Variants in TNRC6A observed in about 807,000 individuals in gnomAD.
The protein encoded by TNRC6A is trinucleotide repeat containing adaptor 6A, also known as trinucleotide repeat-containing gene 6A protein.
A neutral mutation model predicts 221.2 loss-of-function variants in TNRC6A; 44 were observed. The ratio of observed to expected loss-of-function variants is 0.20; its 90% confidence interval spans 0.16 to 0.26. TNRC6A has a LOEUF of 0.26. Among genes scored for constraint, TNRC6A ranks in the 10% least tolerant of loss-of-function variants. The pLI is 1.00. For synonymous variants in TNRC6A, 847 were observed against 838.5 expected, an observed-to-expected ratio of 1.01 and a Z score of -0.18; for missense variants, 2,199 against 2,404.4, an observed-to-expected ratio of 0.91 and a Z score of 1.79.
chr16:24,803,997 A>G (rs1459769471), intron 11 of TNRC6A, 180 bp from the exon 12 acceptor site: 7 of 571,296 alleles, frequency 1.2e-5, no homozygotes, highest in Non-Finnish European at 2.1e-5. Flanking sequence ...AGTATCTCCT[A>G]ATTGCGACTT....
intron 2 of TNRC6A, among the ~76,000 whole-genome samples, chr16:24,684,642 C>A (rs1415775818): frequency 6.6e-6 from 1 of 151,450 alleles, no homozygotes; most frequent in African/African-American, 2.4e-5. Context: ...CCCATCTCTA[C>A]AAAAAATTTA....
chr16:24,729,682 T>TGGC lies in TNRC6A; in HGVS notation c.-159_-158insGCG, dbSNP rs1555495616. ...GGTCTGGGGCCTGCGGCGGCGGCGG[T>TGGC]GTCGGCGGCGGCGGCGGCGGCGGCG... On this transcript the variant is annotated 5_prime_UTR_variant, in exon 1 of 25. Transcript: ENST00000395799. The TGGC allele has an allele frequency of 3.2e-5, 22 of 677,752 alleles. No individual in the cohort carries two copies. The Admixed American group carries it at 5.0e-4, about 15-fold the overall frequency. 42.0% of individuals were successfully genotyped at this position (677,752 alleles called of 1,614,324 possible). A position where few individuals can be genotyped will look rare whatever the true frequency, so the allele number is the denominator to read the frequency against.
chr16:24,723,233 C>G (rs1567388704), intron 2 of TNRC6A, among the ~76,000 whole-genome samples: 1 of 152,132 alleles, frequency 6.6e-6, no homozygotes, highest in South Asian at 2.1e-4. Flanking sequence ...CACTTCACCT[C>G]CACTCCGCAG....
chr16:24,812,610 C>T (rs2058569729), intron 18 of TNRC6A, among the ~76,000 whole-genome samples: 1 of 152,112 alleles, frequency 6.6e-6, no homozygotes. Flanking sequence ...GTTACAGTTG[C>T]CTACATTACT....
At chr16:24,642,029 G>C (rs1182120184) in intron 2 of TNRC6A, among the ~76,000 whole-genome samples, 1 of 152,230 alleles carries the variant, frequency 6.6e-6, no homozygotes, top group African/African-American at 2.4e-5. Flanking sequence ...TGGATCCCAT[G>C]GGGAAGGATT....
chr16:24,818,162 A>G (rs955657993), intron 20 of TNRC6A, among the ~76,000 whole-genome samples: 1 of 152,236 alleles, frequency 6.6e-6, no homozygotes, highest in East Asian at 1.9e-4. Flanking sequence ...AGAAGGCTGA[A>G]GGGCCTGTTC....
Position 24,793,691 on chromosome 16 carries a change from G to A in TNRC6A, c.3352+42G>A. 5 of 1,336,744 alleles carry A rather than the reference G, an allele frequency of 3.7e-6. No homozygotes were observed. The South Asian group carries it at 7.7e-5, about 21-fold the overall frequency. The allele number at this position is 1,336,744 out of a possible 1,614,324, so 82.8% of individuals were successfully genotyped here. On this transcript the variant is annotated intron_variant, in intron 7 of 24. Coordinates refer to ENST00000395799, the MANE Select transcript of TNRC6A (RefSeq NM_014494.4). ...GCCTGGTAGCTGTTATGTAGCAGTG[G>A]CGAACACTCACTGACTATAATTAAA...
chr16:24,612,737 C>T (rs192670734), intron 1 of TNRC6A, among the ~76,000 whole-genome samples: 2 of 151,900 alleles, frequency 1.3e-5, no homozygotes, highest in Non-Finnish European at 2.9e-5. Context: ...CAGAGTGAGA[C>T]CCTGTCTCAA....
At chr16:24,688,665 C>T (rs1448912665) in intron 2 of TNRC6A, among the ~76,000 whole-genome samples, 1 of 152,122 alleles carries the variant, frequency 6.6e-6, no homozygotes, top group Non-Finnish European at 1.5e-5. Flanking sequence ...TCCTTAAGAG[C>T]GAGCCTCAGG....
In TNRC6A at chr16:24,806,229, G is replaced by C; in HGVS notation, c.4275G>C (p.Arg1425Ser). Reference protein sequence around the residue: ...QLQRLLAQQQRAQSQRSVPSG... With the variant: ...QLQRLLAQQQSAQSQRSVPSG... ...AGCGATTGTTAGCGCAGCAGCAAAGGGCGCAGAGTCAGAGAAGCGTGCCTT... is the reference window on the plus strand; with the variant it reads ...AGCGATTGTTAGCGCAGCAGCAAAGCGCGCAGAGTCAGAGAAGCGTGCCTT... Residue 1425 changes from arginine (R) to serine (S), a missense_variant, in exon 16 of 25, where the codon AGG becomes AGC. Transcript: ENST00000395799. 2 of 1,614,156 alleles carry C rather than the reference G, an allele frequency of 1.2e-6. No homozygotes were observed. The highest frequency in any genetic ancestry group is 1.7e-6 in the Non-Finnish European group (2 of 1,180,032).
intron 5 of TNRC6A, among the ~76,000 whole-genome samples, chr16:24,780,201 G>A (rs764269005): frequency 5.9e-5 from 9 of 152,140 alleles, no homozygotes; most frequent in East Asian, 1.9e-4. Context: ...GTGAACACTC[G>A]TATACCCTCC....
chr16:24,817,273 A>G (rs2058675978), intron 20 of TNRC6A, among the ~76,000 whole-genome samples: 1 of 152,230 alleles, frequency 6.6e-6, no homozygotes, highest in African/African-American at 2.4e-5. Context: ...ATAAGTTAAC[A>G]TAAAGGACCA....
chr16:24,643,218 C>T (rs571938736), intron 2 of TNRC6A, among the ~76,000 whole-genome samples: 221 of 150,040 alleles, frequency 1.5e-3, no homozygotes, highest in South Asian at 4.8e-3. Flanking sequence ...ACAGGCAGGG[C>T]CCATCATTCC....
At chr16:24,655,643 C>G (rs1250277244) in intron 2 of TNRC6A, among the ~76,000 whole-genome samples, 1 of 151,916 alleles carries the variant, frequency 6.6e-6, no homozygotes, top group Non-Finnish European at 1.5e-5. Context: ...GAGCCAAGAT[C>G]GTGCCACTGC....
chr16:24,692,976 G>A (rs547824772), intron 2 of TNRC6A, among the ~76,000 whole-genome samples: 3 of 152,120 alleles, frequency 2.0e-5, no homozygotes, highest in East Asian at 3.9e-4. Context: ...ATTTACATTC[G>A]GGTAAACCGG....
intron 2 of TNRC6A, among the ~76,000 whole-genome samples, chr16:24,749,433 G>T (rs894353322): frequency 1.7e-4 from 26 of 152,136 alleles, no homozygotes; most frequent in African/African-American, 6.3e-4. Flanking sequence ...TATTTCTTTG[G>T]CTTGAGGCTG....
intron 2 of TNRC6A, chr16:24,670,974 A>C (rs148248099): frequency 2.4e-6 from 1 of 409,194 alleles, no homozygotes; most frequent in South Asian, 1.7e-5. Flanking sequence ...CGTAATTAGC[A>C]TCTGGCCGTG....
At chr16:24,648,350 C>A (rs1325045950) in intron 2 of TNRC6A, among the ~76,000 whole-genome samples, 1 of 135,488 alleles carries the variant, frequency 7.4e-6, no homozygotes, top group Non-Finnish European at 1.5e-5. Flanking sequence ...TGGCTCACTG[C>A]AACCTCCAAC....
intron 2 of TNRC6A, among the ~76,000 whole-genome samples, chr16:24,733,286 T>C (rs1012084837): frequency 1.2e-4 from 18 of 152,310 alleles, no homozygotes; most frequent in African/African-American, 4.3e-4. Flanking sequence ...AGCCCTGGTT[T>C]CTGAATGTCA....
Sources: allele counts gnomAD v4.1 joint callset (sites outside exome capture counted in the v4.1 genomes callset), GRCh38; gene constraint gnomAD v4.1.1; transcripts MANE v1.5; gene names NCBI Gene and HGNC (gene_info 2026-07-23, HGNC 2026-07-21).